The following PLAGL1 variants were observed in gnomAD, a reference collection of about 807,000 sequenced individuals.
The protein encoded by PLAGL1 is zinc finger protein PLAGL1.
Under a neutral mutation model 4.6 loss-of-function variants are expected in PLAGL1, and 1 was observed. The observed-to-expected ratio is 0.22, with a 90% CI of 0.08 to 1.03. PLAGL1 has a LOEUF of 1.03. PLAGL1 is among the 50% of genes least tolerant of loss of function. The pLI is 0.58. For synonymous variants in PLAGL1, 240 were observed against 237.8 expected, an observed-to-expected ratio of 1.01 and a Z score of -0.08; for missense variants, 464 against 570.4, an observed-to-expected ratio of 0.81 and a Z score of 1.90.
intron 7 of PLAGL1, among the ~76,000 whole-genome samples, chr6:143,943,709 T>C (rs779300473): frequency 2.6e-5 from 4 of 151,944 alleles, no homozygotes; most frequent in African/African-American, 4.9e-5. Context: ...AATATGAAGC[T>C]GCTACTTCTA....
chr6:144,052,688 T>G (rs1275561459), intron 1 of PLAGL1, among the ~76,000 whole-genome samples: 1 of 152,186 alleles, frequency 6.6e-6, no homozygotes, highest in Non-Finnish European at 1.5e-5. Flanking sequence ...CTTCACACTA[T>G]GCTGATTAAG....
rs1778362886 is a variant in PLAGL1, at chr6:143,940,555, GAGT to G, written c.*866_*868del. 6.6e-6 allele frequency: 1 copy of G among 152,340 alleles called. No homozygotes were observed. Among genetic ancestry groups the G allele is most frequent in the South Asian group, 2.1e-4 (1 of 4,826 alleles). 9.4% of individuals were successfully genotyped at this position (152,340 alleles called of 1,614,324 possible). A position where few individuals can be genotyped will look rare whatever the true frequency, so the allele number is the denominator to read the frequency against. On this transcript the variant is annotated 3_prime_UTR_variant, in exon 8 of 8. Coordinates refer to ENST00000674357, the MANE Select transcript of PLAGL1 (RefSeq NM_001317162.2). ...CAATACTTAAGAACTTAAGCAGCTT[GAGT>G]AGTAGTTTAAGCTAGACAGAGCAAA...
In PLAGL1 at chr6:143,962,331, T is replaced by C. The variant is rs1297655723; in HGVS notation, c.-398-1789A>G. Among the ~76,000 whole-genome samples the C allele has an allele frequency of 3.3e-5, 5 of 152,236 alleles. No homozygotes were observed. Among genetic ancestry groups the C allele is most frequent in the Admixed American group, 3.3e-4 (5 of 15,282 alleles). ...TCTAAAGCAGAGGGAAAAAAGGGTT[T>C]TCATACGTCAATTATTCTTTTTTAA... On this transcript the variant is annotated intron_variant, in intron 5 of 7. Transcript: ENST00000674357. This position sits in a 1 kb window ranked among gnomAD's most constrained non-coding sequence, Gnocchi z 5.3.
At position 143,947,902 on chromosome 6, in the gene PLAGL1, C is replaced by T. The variant is rs1583075341; in HGVS notation, c.152+83G>A. On this transcript the variant is annotated intron_variant, in intron 7 of 7. Transcript: ENST00000674357. This position sits in a 1 kb window ranked among gnomAD's most constrained non-coding sequence, Gnocchi z 4.3. ...ATGCATCCATATCCTGTGTCCCTTT[C>T]CCCTTGCATCGTGTGGTCTGAGGGC... The T allele has an allele frequency of 2.7e-6, 3 of 1,123,052 alleles. No homozygotes were observed. In the East Asian group the frequency reaches 7.2e-5, roughly 27 times the overall value. 69.6% of individuals were successfully genotyped at this position (1,123,052 alleles called of 1,614,324 possible). A position where few individuals can be genotyped will look rare whatever the true frequency, so the allele number is the denominator to read the frequency against.
In PLAGL1 at chr6:143,941,342, A is replaced by G. The variant is rs1443919025; in HGVS notation, c.*82T>C. The G allele has an allele frequency of 5.5e-5, 63 of 1,155,690 alleles. No individual in the cohort carries two copies. The East Asian group carries it at 1.6e-3, about 30-fold the overall frequency. The allele number at this position is 1,155,690 out of a possible 1,614,324, so 71.6% of individuals were successfully genotyped here. On this transcript the variant is annotated 3_prime_UTR_variant, in exon 8 of 8. Coordinates refer to ENST00000674357, the MANE Select transcript of PLAGL1 (RefSeq NM_001317162.2). This position sits in a 1 kb window ranked among gnomAD's most constrained non-coding sequence, Gnocchi z 6.0. ...GCCATAGTCCCAGTCTCGTTTTCCAAATCTTTCTCATATTGTAACTGACAT... is the reference window on the plus strand; with the variant it reads ...GCCATAGTCCCAGTCTCGTTTTCCAGATCTTTCTCATATTGTAACTGACAT...
At chr6:144,013,372 G>A (rs528879541), upstream of PLAGL1, among the ~76,000 whole-genome samples, 178 of 152,034 alleles carry the variant, frequency 1.2e-3, no homozygotes, top group Non-Finnish European at 2.1e-3. The surrounding 1 kb of genome is among the most constrained non-coding windows in gnomAD (Gnocchi z 4.4). Context: ...GGGGGAAAAT[G>A]TTATTTTCAA....
rs948058483 is a variant in PLAGL1 at position 143,994,935 on chromosome 6, C to T, written c.-583-9761G>A. ...CGGAGGTAATTGGACTATGTCACAT[C>T]TCTCAGTGATGCCTCTATCTTGTCA... On this transcript the variant is annotated intron_variant, in intron 1 of 7. Transcript: ENST00000674357. This position sits in a 1 kb window ranked among gnomAD's most constrained non-coding sequence, Gnocchi z 4.3. 6.6e-6 allele frequency among the ~76,000 whole-genome samples: 1 copy of T among 152,188 alleles called. No individual in the cohort carries two copies. Among genetic ancestry groups the T allele is most frequent in the East Asian group, 1.9e-4 (1 of 5,178 alleles).
intron 1 of PLAGL1, among the ~76,000 whole-genome samples, chr6:144,018,537 A>G (rs946656753): frequency 2.9e-4 from 44 of 152,220 alleles, no homozygotes; most frequent in African/African-American, 1.0e-3. Flanking sequence ...TCTTACCACA[A>G]AAAATAAGTA....
In PLAGL1 at chr6:144,048,162, C is replaced by G. The variant is rs1798302916; in HGVS notation, c.-151+16306G>C. On this transcript the variant is annotated intron_variant, in intron 1 of 3. Transcript: ENST00000437412. This position sits in a 1 kb window ranked among gnomAD's most constrained non-coding sequence, Gnocchi z 4.8. ...GATGCAAGAAGTGGGCTCCCACGGT[C>G]TTGGGCAGCTCTGCCTCTGTGGCTT... Among the ~76,000 whole-genome samples, 1 of 152,210 alleles carries G rather than the reference C, an allele frequency of 6.6e-6. No homozygotes were observed. Among genetic ancestry groups the G allele is most frequent in the Non-Finnish European group, 1.5e-5 (1 of 68,042 alleles).
chr6:143,955,364 A>G lies in PLAGL1; in HGVS notation c.-325+5105T>C, dbSNP rs938456278. 1.3e-5 allele frequency among the ~76,000 whole-genome samples: 2 copies of G among 152,202 alleles called. No homozygotes were observed. Among genetic ancestry groups the G allele is most frequent in the African/African-American group, 4.8e-5 (2 of 41,448 alleles). Reference sequence around the variant, plus strand: ...AGGAGAAAACAGGCTAGAGAGATGGAGAATCGTGAAGGGTCCACTCTACAA... The same window carrying G: ...AGGAGAAAACAGGCTAGAGAGATGGGGAATCGTGAAGGGTCCACTCTACAA... On this transcript the variant is annotated intron_variant, in intron 6 of 7. Coordinates refer to ENST00000674357, the MANE Select transcript of PLAGL1 (RefSeq NM_001317162.2). The surrounding 1 kb of genome is among the most constrained non-coding windows in gnomAD (Gnocchi z 4.9).
At position 143,940,352 on chromosome 6, in the gene PLAGL1, C is replaced by G. The variant is rs1778327992; in HGVS notation, c.*1072G>C. On this transcript the variant is annotated 3_prime_UTR_variant, in exon 8 of 8. Coordinates refer to ENST00000674357, the MANE Select transcript of PLAGL1 (RefSeq NM_001317162.2). The stretch of plus-strand genomic sequence containing the variant: ...GTAAGATATATGTTTACGGAAAAGC[C>G]TCTAAAAACATAAGACAATGGAGCT... 2 of 152,088 alleles carry G rather than the reference C, an allele frequency of 1.3e-5. No individual in the cohort carries two copies. The highest frequency in any genetic ancestry group is 6.5e-5 in the Admixed American group (1 of 15,270). The allele number at this position is 152,088 out of a possible 1,614,324, so 9.4% of individuals were successfully genotyped here.
chr6:144,002,914 A>G (rs1793228438), intron 1 of PLAGL1, among the ~76,000 whole-genome samples: 1 of 151,014 alleles, frequency 6.6e-6, no homozygotes, highest in African/African-American at 2.4e-5. Flanking sequence ...GACATTGACA[A>G]GCACATTTGA....
Position 144,063,141 on chromosome 6 carries a change from C to T in PLAGL1, c.-151+1327G>A, listed in dbSNP as rs1799555915. On this transcript the variant is annotated intron_variant, in intron 1 of 3. Transcript: ENST00000437412. This position sits in a 1 kb window ranked among gnomAD's most constrained non-coding sequence, Gnocchi z 5.7. ...CCTGCCACACTCCTCTCACTCAGCC[C>T]AAAGATCACTTGCAGAACCAAAGAA... 6.6e-6 allele frequency among the ~76,000 whole-genome samples: 1 copy of T among 152,182 alleles called. No individual in the cohort carries two copies. The highest frequency in any genetic ancestry group is 1.5e-5 in the Non-Finnish European group (1 of 68,032).
rs1218728734 is a variant in PLAGL1 at position 143,948,847 on chromosome 6, A to G, written c.-324-387T>C. 7.9e-5 allele frequency among the ~76,000 whole-genome samples: 12 copies of G among 152,194 alleles called. 2 individuals are homozygous for G. The South Asian group carries it at 1.0e-3, about 13-fold the overall frequency. On this transcript the variant is annotated intron_variant, in intron 6 of 7. Coordinates refer to ENST00000674357, the MANE Select transcript of PLAGL1 (RefSeq NM_001317162.2). The surrounding 1 kb of genome is among the most constrained non-coding windows in gnomAD (Gnocchi z 6.0). ...AAGTGTTTTTACTGGTCCATAAACA[A>G]AAATCACCCACACTTACTCAAACCA...
At chr6:144,020,676 G>A (rs957400661) in intron 1 of PLAGL1, among the ~76,000 whole-genome samples, 1 of 150,916 alleles carries the variant, frequency 6.6e-6, no homozygotes, top group African/African-American at 2.4e-5. Context: ...AAACTCCTGA[G>A]TTCAAGTGAT....
rs113887399 is a variant in PLAGL1, at chr6:143,949,276, C to A, written c.-324-816G>T. 4.6e-5 allele frequency among the ~76,000 whole-genome samples: 7 copies of A among 152,340 alleles called. No homozygotes were observed. The highest frequency in any genetic ancestry group is 9.6e-5 in the African/African-American group (4 of 41,574). Reference sequence around the variant, plus strand: ...AACCCAACTTGTCTCAAACCCAAATCATTATCATCCTTCTGACTCAGCCAG... The same window carrying A: ...AACCCAACTTGTCTCAAACCCAAATAATTATCATCCTTCTGACTCAGCCAG... On this transcript the variant is annotated intron_variant, in intron 6 of 7. Coordinates refer to ENST00000674357, the MANE Select transcript of PLAGL1 (RefSeq NM_001317162.2). The surrounding 1 kb of genome is among the most constrained non-coding windows in gnomAD (Gnocchi z 5.3).
chr6:144,030,512 C>A (rs1200366315), intron 1 of PLAGL1, among the ~76,000 whole-genome samples: 1 of 152,166 alleles, frequency 6.6e-6, no homozygotes, highest in Non-Finnish European at 1.5e-5. Context: ...ACCTTTTCCC[C>A]CAAGTCCCCA....
chr6:143,980,039 C>T (rs1172640334), intron 2 of PLAGL1, among the ~76,000 whole-genome samples: 2 of 152,098 alleles, frequency 1.3e-5, no homozygotes, highest in Non-Finnish European at 1.5e-5. Flanking sequence ...TGGAAGGTGT[C>T]TTTCCACTGT....
Position 143,978,967 on chromosome 6 carries a change from C to T in PLAGL1, c.-544+6168G>A, listed in dbSNP as rs1787294405. Among the ~76,000 whole-genome samples, 2 of 152,146 alleles carry T rather than the reference C, an allele frequency of 1.3e-5. No homozygotes were observed. Among genetic ancestry groups the T allele is most frequent in the Non-Finnish European group, 2.9e-5 (2 of 67,986 alleles). On this transcript the variant is annotated intron_variant, in intron 2 of 7. Coordinates refer to ENST00000674357, the MANE Select transcript of PLAGL1 (RefSeq NM_001317162.2). The surrounding 1 kb of genome is among the most constrained non-coding windows in gnomAD (Gnocchi z 4.6). ...TCCCATGTATACTGAAATTATTTTA[C>T]TAGGTGCATAAACATTTAAGATCAT...
Sources: gnomAD v4.1 joint callset for allele counts (sites outside exome capture counted in the v4.1 genomes callset) on GRCh38, gnomAD v4.1.1 for gene constraint, Gnocchi (gnomAD v3.1) non-coding constraint, MANE v1.5 for transcripts, NCBI Gene and HGNC (gene_info 2026-07-23, HGNC 2026-07-21) for gene names.